PTPRG: variants seen among roughly 807,000 people sequenced by gnomAD.
The protein encoded by PTPRG is receptor-type tyrosine-protein phosphatase gamma.
Under a neutral mutation model 165.3 loss-of-function variants are expected in PTPRG, and 102 were observed. That is an observed-to-expected ratio of 0.62 (90% CI 0.53 to 0.73). PTPRG has a LOEUF of 0.73. Ranked by LOEUF, PTPRG falls within the 30% of genes least tolerant of loss-of-function variation. PTPRG has a pLI of 0.00. For missense variants in PTPRG, 1,866 were observed against 1,861.4 expected, an observed-to-expected ratio of 1.00 and a Z score of -0.05; for synonymous variants, 675 against 669.5, an observed-to-expected ratio of 1.01 and a Z score of -0.13.
intron 10 of PTPRG, among the ~76,000 whole-genome samples, chr3:62,197,014 C>T (rs1308087087): frequency 6.6e-6 from 1 of 152,220 alleles, no homozygotes; most frequent in Non-Finnish European, 1.5e-5. Context: ...ATCCAGGAAT[C>T]TGAGCTTTCA....
chr3:62,247,860 G>A (rs1483736354), intron 15 of PTPRG, among the ~76,000 whole-genome samples: 2 of 152,196 alleles, frequency 1.3e-5, no homozygotes, highest in Non-Finnish European at 2.9e-5. Context: ...ATTAAGGAAA[G>A]CTTTGCTAAC....
intron 1 of PTPRG, among the ~76,000 whole-genome samples, chr3:61,746,656 C>T (rs1428196662): frequency 6.6e-6 from 1 of 152,080 alleles, no homozygotes; most frequent in African/African-American, 2.4e-5. Flanking sequence ...GGCCAGTGTG[C>T]CCATACCTGA....
chr3:61,613,895 G>T (rs1701240496), intron 1 of PTPRG, among the ~76,000 whole-genome samples: 1 of 152,110 alleles, frequency 6.6e-6, no homozygotes, highest in Admixed American at 6.5e-5. Context: ...TAATCTCAGG[G>T]CATGGCTTTC....
rs1200790751 is a variant in PTPRG, at chr3:61,871,116, TTA to T, written c.191-118507_191-118506del. On this transcript the variant is annotated intron_variant, in intron 2 of 29. Coordinates refer to ENST00000474889, the MANE Select transcript of PTPRG (RefSeq NM_002841.4). Reference sequence around the variant, plus strand: ...CATTTTCCCTACATTCCCTGTTATGTTATGTTATGTTATGTTGTGTTGTGTTG... The same window carrying T: ...CATTTTCCCTACATTCCCTGTTATGTTGTTATGTTATGTTGTGTTGTGTTG... 2.4e-4 allele frequency among the ~76,000 whole-genome samples: 26 copies of T among 106,374 alleles called. No individual in the cohort carries two copies. In the East Asian group the frequency reaches 3.2e-3, roughly 13 times the overall value. The allele number at this position is 106,374 out of a possible 152,430, so 69.8% of individuals were successfully genotyped here.
intron 1 of PTPRG, among the ~76,000 whole-genome samples, chr3:61,611,994 G>T (rs1701183737): frequency 6.6e-6 from 1 of 152,172 alleles, no homozygotes; most frequent in South Asian, 2.1e-4. Context: ...CCAGGCTGGA[G>T]TGCAGTGGCA....
At chr3:61,885,036 G>A (rs953423390) in intron 2 of PTPRG, among the ~76,000 whole-genome samples, 10 of 152,144 alleles carry the variant, frequency 6.6e-5, no homozygotes, top group African/African-American at 2.4e-4. Context: ...CTTGATGTGT[G>A]GTGTTTGCTT....
chr3:61,985,725 G>A (rs941583685), intron 2 of PTPRG, among the ~76,000 whole-genome samples: 1 of 152,080 alleles, frequency 6.6e-6, no homozygotes, highest in African/African-American at 2.4e-5. Flanking sequence ...TTCTTTGATT[G>A]ACCTTCTTTG....
intron 2 of PTPRG, among the ~76,000 whole-genome samples, chr3:61,833,873 G>T (rs2036383805): frequency 1.3e-5 from 2 of 152,076 alleles, no homozygotes; most frequent in Admixed American, 1.3e-4. Context: ...CCGTGTTGAA[G>T]TGTTTTCTAT....
intron 2 of PTPRG, among the ~76,000 whole-genome samples, chr3:61,854,064 G>T (rs1187382736): frequency 6.6e-6 from 1 of 152,184 alleles, no homozygotes; most frequent in Admixed American, 6.5e-5. Flanking sequence ...AGAAAGGCCT[G>T]TTTGAGAGTG....
chr3:61,791,981 A>G (rs937976723), intron 2 of PTPRG, among the ~76,000 whole-genome samples: 6 of 152,220 alleles, frequency 3.9e-5, no homozygotes, highest in African/African-American at 1.4e-4. Context: ...AGAAAAGTAC[A>G]TGTTTAATGC....
In PTPRG at chr3:61,562,277, C is replaced by T. The variant is rs759975449; in HGVS notation, c.-11C>T. On this transcript the variant is annotated 5_prime_UTR_variant, in exon 1 of 30. Transcript: ENST00000474889. ...TCCCTGCTTTCCTCTTTTCGATGTG[C>T]GTTTTCGGACATGCGGAGGTTACTG... 2 of 1,612,360 alleles carry T rather than the reference C, an allele frequency of 1.2e-6. No individual in the cohort carries two copies. The highest frequency in any genetic ancestry group is 1.7e-6 in the Non-Finnish European group (2 of 1,178,494).
chr3:61,778,645 T>C (rs970826491), intron 2 of PTPRG, among the ~76,000 whole-genome samples: 1 of 152,062 alleles, frequency 6.6e-6, no homozygotes, highest in Non-Finnish European at 1.5e-5. Flanking sequence ...CTGAGACCCA[T>C]CTTAGTTGGC....
intron 1 of PTPRG, among the ~76,000 whole-genome samples, chr3:61,738,404 ACAATATAAAAGGC>A (rs2032844950): frequency 6.7e-6 from 1 of 150,102 alleles, no homozygotes; most frequent in Non-Finnish European, 1.5e-5. Flanking sequence ...AAATGACTCA[ACAATATAAAAGGC>A]CTATATAAAA....
rs189489218 is a variant in PTPRG at position 62,189,146 on chromosome 3, G to C, written c.1034-2323G>C. Among the ~76,000 whole-genome samples the C allele has an allele frequency of 1.2e-3, 186 of 152,218 alleles. 1 individual carries two copies. The highest frequency in any genetic ancestry group is 4.2e-3 in the African/African-American group (176 of 41,542). ...GCAGCGGACAGCGTGATGCCTCCCA[G>C]GGGTTCTGCGGGGCAGTGGGAATGA... On this transcript the variant is annotated intron_variant, in intron 8 of 29. Transcript: ENST00000474889.
chr3:61,707,129 T>C (rs2031304872), intron 1 of PTPRG, among the ~76,000 whole-genome samples: 1 of 152,234 alleles, frequency 6.6e-6, no homozygotes, highest in Non-Finnish European at 1.5e-5. Flanking sequence ...TTTCATAGTT[T>C]ATGGAGTATG....
At chr3:62,034,648 A>G (rs964242975) in intron 4 of PTPRG, among the ~76,000 whole-genome samples, 1 of 152,210 alleles carries the variant, frequency 6.6e-6, no homozygotes, top group Non-Finnish European at 1.5e-5. Context: ...TTCTGATGGA[A>G]ACTTGTATAG....
intron 2 of PTPRG, among the ~76,000 whole-genome samples, chr3:61,966,600 C>T (rs1390613059): frequency 6.6e-6 from 1 of 152,196 alleles, no homozygotes; most frequent in East Asian, 1.9e-4. Context: ...GACTAGGACC[C>T]ACTGACTTAG....
At chr3:62,181,840 A>T (rs1705663820) in intron 8 of PTPRG, among the ~76,000 whole-genome samples, 1 of 152,178 alleles carries the variant, frequency 6.6e-6, no homozygotes, top group Non-Finnish European at 1.5e-5. Context: ...TATAATGTTG[A>T]TATAATGATG....
At chr3:62,175,670 T>G (rs1374124253) in intron 8 of PTPRG, among the ~76,000 whole-genome samples, 2 of 152,186 alleles carry the variant, frequency 1.3e-5, no homozygotes, top group African/African-American at 2.4e-5. Context: ...GAGTTTACAT[T>G]CTAGAAAGGA....
Sources: allele counts gnomAD v4.1 joint callset (sites outside exome capture counted in the v4.1 genomes callset), GRCh38; gene constraint gnomAD v4.1.1; transcripts MANE v1.5; gene names NCBI Gene and HGNC (gene_info 2026-07-23, HGNC 2026-07-21).